SLC39A14: variants seen among roughly 807,000 people sequenced by gnomAD.
SLC39A14 encodes metal cation symporter ZIP14.
Under a neutral mutation model 45.5 loss-of-function variants are expected in SLC39A14, and 19 were observed. That is an observed-to-expected ratio of 0.42 (90% CI 0.29 to 0.61). SLC39A14 has a LOEUF of 0.61. Ranked by LOEUF, SLC39A14 falls within the 20% of genes least tolerant of loss-of-function variation. The pLI is 0.22. For synonymous variants in SLC39A14, 264 were observed against 251.3 expected (o/e 1.05, Z -0.48); for missense variants, 447 against 616.5 (o/e 0.73, Z 2.91).
chr8:22,413,605 A>G (rs896950313), intron 4 of SLC39A14, among the ~76,000 whole-genome samples: 2 of 152,190 alleles, frequency 1.3e-5, no homozygotes, highest in African/African-American at 4.8e-5. Context: ...AACAGCCCAG[A>G]GTTCCTTGAA....
intron 1 of SLC39A14, among the ~76,000 whole-genome samples, chr8:22,404,239 C>T (rs1835061103): frequency 6.6e-6 from 1 of 152,062 alleles, no homozygotes; most frequent in Admixed American, 6.5e-5. Flanking sequence ...GCCTGGCCAA[C>T]ATGATGAAAC....
In SLC39A14 at chr8:22,404,745, G is replaced by A; in HGVS notation, c.35G>A (p.Ser12Asn). The A allele has an allele frequency of 6.2e-7, 1 of 1,613,634 alleles. No individual in the cohort carries two copies. The highest frequency in any genetic ancestry group is 2.2e-5 in the East Asian group (1 of 44,880). ...KLLLLHPAFQ[S>N]CLLLTLLGLW... ...CTGCTGCTGCACCCGGCCTTCCAGA[G>A]CTGCCTCCTGCTGACCCTGCTTGGC... Residue 12 changes from serine to asparagine, a missense_variant, in exon 2 of 9, where the codon AGC (serine) becomes AAC (asparagine). This residue lies in a region of SLC39A14 where 342 missense variants were observed against 428.1 expected (regional missense o/e 0.80). Transcript: ENST00000381237.
intron 8 of SLC39A14, among the ~76,000 whole-genome samples, chr8:22,429,179 G>A (rs1438485621): frequency 1.3e-5 from 2 of 152,144 alleles, no homozygotes; most frequent in African/African-American, 2.4e-5. Flanking sequence ...GGCTGAGGCA[G>A]GAGAATGGCA....
At chr8:22,403,621 A>G (rs1253506644) in intron 1 of SLC39A14, among the ~76,000 whole-genome samples, 1 of 151,534 alleles carries the variant, frequency 6.6e-6, no homozygotes, top group East Asian at 2.0e-4. Context: ...CATTTCAAAC[A>G]TATATAAGTA....
chr8:22,417,845 C>G lies in SLC39A14; in HGVS notation c.1332+10C>G. 6.2e-7 allele frequency: 1 copy of G among 1,610,490 alleles called. No individual in the cohort carries two copies. The highest frequency in any genetic ancestry group is 8.5e-7 in the Non-Finnish European group (1 of 1,178,060). On this transcript the variant is annotated intron_variant, in intron 8 of 8. Transcript: ENST00000381237. The stretch of plus-strand genomic sequence containing the variant: ...TTCTCTGGCTGATATGGTAAGTGTT[C>G]CACAGTTCACTGGATGAGAGGGCGG...
intron 1 of SLC39A14, among the ~76,000 whole-genome samples, chr8:22,404,136 A>G (rs1835053707): frequency 1.3e-5 from 2 of 152,064 alleles, no homozygotes; most frequent in Non-Finnish European, 2.9e-5. Context: ...CTAAAAAATC[A>G]TAACTGGCCG....
chr8:22,409,451 C>T (rs991193338), intron 3 of SLC39A14, among the ~76,000 whole-genome samples: 2 of 151,652 alleles, frequency 1.3e-5, no homozygotes, highest in South Asian at 2.1e-4. Flanking sequence ...GGTGCAATCT[C>T]GGCTCACTGC....
At chr8:22,381,310 C>CGG (rs1276011266) in intron 1 of SLC39A14, among the ~76,000 whole-genome samples, 1 of 147,936 alleles carries the variant, frequency 6.8e-6, no homozygotes, top group African/African-American at 2.5e-5. Context: ...AGTCTCGCTC[C>CGG]GTCACCCAGA....
At chr8:22,429,667 G>A (rs1449663223) in intron 8 of SLC39A14, among the ~76,000 whole-genome samples, 1 of 152,226 alleles carries the variant, frequency 6.6e-6, no homozygotes, top group Admixed American at 6.5e-5. Context: ...ATCTCCTGAA[G>A]CCCCTGTGCC....
At chr8:22,425,838 C>A (rs1438849311), downstream of SLC39A14, among the ~76,000 whole-genome samples, 1 of 150,842 alleles carries the variant, frequency 6.6e-6, no homozygotes, top group African/African-American at 2.4e-5. Context: ...GTGTTCTGAC[C>A]CTGGCAATCA....
intron 8 of SLC39A14, 55 bp from the exon 9 acceptor site, chr8:22,419,497 G>A: frequency 1.3e-6 from 2 of 1,540,890 alleles, no homozygotes; most frequent in South Asian, 1.2e-5. Flanking sequence ...AATTGCCCTG[G>A]ACTTACAAGA....
At position 22,419,697 on chromosome 8, in the gene SLC39A14, A is replaced by G; in HGVS notation, c.1478A>G (p.Ter493TrpextTer38). Residue 493 changes from the stop codon to tryptophan, a stop_lost, in exon 9 of 9, where the codon TAG becomes TGG. Transcript: ENST00000381237. ...TATTCAGGACAGATCCAGATTGGGT[A>G]GGGCTCTGCCAAGAGCCTGTGGGAC... is the stretch of plus-strand genomic sequence containing the variant. ...TMYSGQIQIG[*>W] is the part of the protein sequence containing the mutation. 1.3e-6 allele frequency: 2 copies of G among 1,599,086 alleles called. No homozygotes were observed. The highest frequency in any genetic ancestry group is 1.7e-6 in the Non-Finnish European group (2 of 1,173,088).
chr8:22,430,534 GT>G (rs1485781999), intron 8 of SLC39A14, among the ~76,000 whole-genome samples: 5 of 152,208 alleles, frequency 3.3e-5, no homozygotes, highest in Admixed American at 2.6e-4. Flanking sequence ...TTGAATGCCA[GT>G]GCTGTTTACC....
At position 22,408,450 on chromosome 8, in the gene SLC39A14, C is replaced by G; in HGVS notation, c.411C>G (p.Asn137Lys). The change falls in exon 3 of 9, where the codon AAC (asparagine) becomes AAG (lysine). Residue 137 changes from asparagine to lysine, a missense_variant. Physicochemically the swap from Asn to Lys is moderately conservative, Grantham distance 94. Around this residue, in one of 2 missense-constraint regions of SLC39A14, gnomAD observed 342 missense variants for 428.1 expected, o/e 0.80. Coordinates refer to ENST00000381237, the MANE Select transcript of SLC39A14 (RefSeq NM_001128431.4). ...CCTGCACCTCGGAGAACCAGGAAAA[C>G]GAGGAGAATGAGCAGACGGAGGAGG... ...SRACTSENQE[N>K]EENEQTEEGR... is the part of the protein sequence containing the mutation. The G allele has an allele frequency of 6.2e-7, 1 of 1,614,140 alleles. No individual in the cohort carries two copies.
At chr8:22,410,712 C>CT (rs1246792001) in intron 3 of SLC39A14, among the ~76,000 whole-genome samples, 1 of 152,184 alleles carries the variant, frequency 6.6e-6, no homozygotes, top group Non-Finnish European at 1.5e-5. Context: ...TGCATCTTGA[C>CT]TTTTTTCTGA....
intron 3 of SLC39A14, among the ~76,000 whole-genome samples, chr8:22,410,378 T>C (rs1482832886): frequency 6.6e-6 from 1 of 152,172 alleles, no homozygotes; most frequent in African/African-American, 2.4e-5. Flanking sequence ...TCCCCTCCCT[T>C]GTTAAGCCCC....
At chr8:22,429,342 T>C (rs547113060) in intron 8 of SLC39A14, among the ~76,000 whole-genome samples, 2 of 152,342 alleles carry the variant, frequency 1.3e-5, no homozygotes, top group East Asian at 1.9e-4. Context: ...AATTCCATCA[T>C]TGACTATCTG....
At chr8:22,369,449 G>A (rs1430128320) in intron 1 of SLC39A14, among the ~76,000 whole-genome samples, 1 of 152,204 alleles carries the variant, frequency 6.6e-6, no homozygotes, top group Non-Finnish European at 1.5e-5. Context: ...CTTAGCCTGT[G>A]GATGTACATT....
chr8:22,423,991 T>C (rs1836338802), downstream of SLC39A14, among the ~76,000 whole-genome samples: 2 of 151,748 alleles, frequency 1.3e-5, no homozygotes, highest in Admixed American at 1.3e-4. Context: ...TTTTTTTTTT[T>C]TTATAGAAAC....
Sources: allele counts gnomAD v4.1 joint callset (sites outside exome capture counted in the v4.1 genomes callset), GRCh38; gene constraint gnomAD v4.1.1; regional missense constraint gnomAD v4.1.1; transcripts MANE v1.5; gene names NCBI Gene and HGNC (gene_info 2026-07-23, HGNC 2026-07-21).